The following DTNB variants were observed in gnomAD, a reference collection of about 807,000 sequenced individuals.
The protein encoded by DTNB is DTN-B.
DTNB carries 63 observed loss-of-function variants against 90.7 expected under a neutral mutation model. The observed-to-expected ratio is 0.69, with a 90% CI of 0.57 to 0.86. The LOEUF is 0.86. DTNB is among the 40% of genes least tolerant of loss of function. The pLI, the probability that DTNB is intolerant of heterozygous loss-of-function variation, is 0.00. For missense variants in DTNB, 744 were observed against 807.1 expected (o/e 0.92, Z 0.95); for synonymous variants, 277 against 286.7 (o/e 0.97, Z 0.34).
chr2:25,586,953 T>C (rs2062558169), intron 6 of DTNB, among the ~76,000 whole-genome samples: 1 of 152,186 alleles, frequency 6.6e-6, no homozygotes, highest in South Asian at 2.1e-4. Flanking sequence ...TGTGGGAACA[T>C]GTGCTGCTGG....
At chr2:25,437,322 C>T (rs974346734) in intron 12 of DTNB, among the ~76,000 whole-genome samples, 1 of 151,608 alleles carries the variant, frequency 6.6e-6, no homozygotes, top group East Asian at 1.9e-4. Context: ...AGTGCAGTGG[C>T]ATGATCTCGG....
At chr2:25,670,823 C>G (rs925733683) in intron 1 of DTNB, among the ~76,000 whole-genome samples, 3 of 152,196 alleles carry the variant, frequency 2.0e-5, no homozygotes, top group Admixed American at 6.5e-5. Flanking sequence ...AGTCTCCCCT[C>G]AGAAATAAAC....
At chr2:25,499,234 G>C (rs1286659053) in intron 9 of DTNB, among the ~76,000 whole-genome samples, 2 of 152,010 alleles carry the variant, frequency 1.3e-5, no homozygotes, top group Non-Finnish European at 2.9e-5. Flanking sequence ...AGGAAGGAAA[G>C]GGGGGCAGTG....
At chr2:25,482,977 G>C (rs1377559531) in intron 9 of DTNB, 104 bp from the exon 10 acceptor site, 11 of 1,211,670 alleles carry the variant, frequency 9.1e-6, no homozygotes, top group Non-Finnish European at 1.2e-5. Flanking sequence ...CATCATTCGC[G>C]GTAAGCACAG....
intron 3 of DTNB, among the ~76,000 whole-genome samples, chr2:25,634,284 TG>T (rs1357191064): frequency 2.6e-5 from 2 of 77,324 alleles, no homozygotes; most frequent in Admixed American, 1.3e-4. Context: ...GGGAGGGAGG[TG>T]GGGGGGTCAG....
chr2:25,535,292 T>TTCC (rs2079257984), intron 8 of DTNB, among the ~76,000 whole-genome samples: 1 of 103,982 alleles, frequency 9.6e-6, no homozygotes, highest in Non-Finnish European at 1.9e-5. Context: ...CGCTCCTCAC[T>TTCC]TCCCAGACGG....
At position 25,433,668 on chromosome 2, in the gene DTNB, G is replaced by A. The variant is rs1291103141; in HGVS notation, c.1343+242C>T. Among the ~76,000 whole-genome samples, 5 of 152,150 alleles carry A rather than the reference G, an allele frequency of 3.3e-5. No homozygotes were observed. In the South Asian group the frequency reaches 8.3e-4, roughly 25 times the overall value. On this transcript the variant is annotated intron_variant, in intron 13 of 20. Transcript: ENST00000406818. The stretch of plus-strand genomic sequence containing the variant: ...GGGTCACACGGATGGGTGGGAGGAG[G>A]CCCTGCTAAAAGGAATCCCCCGAGG...
chr2:25,425,719 A>G (rs2051331953), intron 15 of DTNB, among the ~76,000 whole-genome samples: 1 of 152,244 alleles, frequency 6.6e-6, no homozygotes, highest in African/African-American at 2.4e-5. Flanking sequence ...ATATCATACT[A>G]CAAAATGCAG....
At position 25,432,875 on chromosome 2, in the gene DTNB, T is replaced by C. The variant is rs201521042; in HGVS notation, c.1457+11A>G. The C allele has an allele frequency of 8.2e-6, 13 of 1,585,704 alleles. No homozygotes were observed. The highest frequency in any genetic ancestry group is 2.3e-5 in the South Asian group (2 of 86,952). The stretch of plus-strand genomic sequence containing the variant: ...ATTACATGTGGCAAGTGGTAGAGTG[T>C]CCCTACTCACCTCAGCAGCCGCAGC... On this transcript the variant is annotated intron_variant, in intron 14 of 20. Transcript: ENST00000406818.
At chr2:25,554,705 G>A (rs2056974793) in intron 8 of DTNB, among the ~76,000 whole-genome samples, 1 of 152,048 alleles carries the variant, frequency 6.6e-6, no homozygotes, top group East Asian at 1.9e-4. Flanking sequence ...GATTCTATAT[G>A]GCACTGAAAA....
At chr2:25,631,948 A>G (rs1559314312) in intron 3 of DTNB, among the ~76,000 whole-genome samples, 1 of 152,186 alleles carries the variant, frequency 6.6e-6, no homozygotes, top group Non-Finnish European at 1.5e-5. Context: ...TAATCCCAGC[A>G]CTTTGGGAGG....
chr2:25,384,537 T>C (rs971509370), intron 18 of DTNB, among the ~76,000 whole-genome samples: 64 of 152,232 alleles, frequency 4.2e-4, no homozygotes, highest in Non-Finnish European at 1.9e-4. Flanking sequence ...CATCCTGGTA[T>C]GGTCAAGCAG....
Position 25,524,191 on chromosome 2 carries a change from G to T in DTNB, c.1001+7282C>A, listed in dbSNP as rs144620413. ...GCTGGGATCACAGGCATGAGCCACC[G>T]TGCCCGGCCCTTCTGTACTTTTTAA... On this transcript the variant is annotated intron_variant, in intron 9 of 20. Transcript: ENST00000406818. 4.3e-3 allele frequency among the ~76,000 whole-genome samples: 653 copies of T among 152,064 alleles called. 4 individuals carry two copies. Among genetic ancestry groups the T allele is most frequent in the African/African-American group, 0.015 (612 of 41,496 alleles).
At chr2:25,657,094 T>C (rs1436315710) in intron 1 of DTNB, among the ~76,000 whole-genome samples, 3 of 152,150 alleles carry the variant, frequency 2.0e-5, no homozygotes, top group African/African-American at 7.2e-5. Context: ...GTGAATCTTT[T>C]AAATTCAGGA....
chr2:25,582,708 C>A (rs1401937600), intron 6 of DTNB, among the ~76,000 whole-genome samples: 2 of 152,174 alleles, frequency 1.3e-5, no homozygotes, highest in Admixed American at 1.3e-4. Flanking sequence ...AGGGCCTCTA[C>A]ACATCATGAG....
chr2:25,399,801 C>G (rs531301340), intron 16 of DTNB, among the ~76,000 whole-genome samples: 1 of 152,354 alleles, frequency 6.6e-6, no homozygotes, highest in Non-Finnish European at 1.5e-5. Flanking sequence ...ATGAATCAGA[C>G]AAGTGGGATA....
chr2:25,396,437 G>A (rs1376824602), intron 16 of DTNB, among the ~76,000 whole-genome samples: 3 of 152,012 alleles, frequency 2.0e-5, no homozygotes, highest in Non-Finnish European at 2.9e-5. Flanking sequence ...CTTGAACCCA[G>A]GAGGCGGAGG....
chr2:25,381,011 A>C (rs978854897), intron 19 of DTNB, among the ~76,000 whole-genome samples: 2 of 152,240 alleles, frequency 1.3e-5, no homozygotes, highest in African/African-American at 4.8e-5. Flanking sequence ...GGCCAGGGCA[A>C]GGCCTCAGTG....
intron 2 of DTNB, among the ~76,000 whole-genome samples, chr2:25,640,252 G>A (rs549561737): frequency 6.6e-6 from 1 of 152,272 alleles, no homozygotes; most frequent in South Asian, 2.1e-4. Context: ...CCCCCAATGT[G>A]AGATTTCACC....
Sources: allele counts gnomAD v4.1 joint callset (sites outside exome capture counted in the v4.1 genomes callset), GRCh38; gene constraint gnomAD v4.1.1; transcripts MANE v1.5; gene names NCBI Gene and HGNC (gene_info 2026-07-23, HGNC 2026-07-21).